The following TECPR2 variants were observed in gnomAD, a reference collection of about 807,000 sequenced individuals.
TECPR2 encodes the protein tectonin beta-propeller repeat-containing protein 2.
TECPR2 carries 65 observed loss-of-function variants against 138.1 expected under a neutral mutation model. The ratio of observed to expected loss-of-function variants is 0.47; its 90% CI spans 0.39 to 0.58. The LOEUF (loss-of-function observed/expected upper bound fraction) is 0.58. Among genes scored for constraint, TECPR2 ranks in the 20% least tolerant of loss-of-function variants. The probability of loss-of-function intolerance (pLI) is 0.00; values close to 1 mark genes in which losing one functional copy is unlikely to be tolerated. For missense variants in TECPR2, 1,553 were observed against 1,824.5 expected (o/e 0.85, Z 2.71); for synonymous variants, 746 against 749.8 (o/e 0.99, Z 0.08).
intron 17 of TECPR2, among the ~76,000 whole-genome samples, chr14:102,469,098 T>G (rs1033920260): frequency 2.6e-5 from 4 of 152,142 alleles, no homozygotes; most frequent in South Asian, 4.1e-4. Flanking sequence ...TACATCCATG[T>G]GAATTTTGGG....
rs1889596135 is a variant in TECPR2 at position 102,434,406 on chromosome 14, T to A, written c.1589T>A (p.Phe530Tyr). The A allele has an allele frequency of 1.3e-6, 2 of 1,528,258 alleles. No individual in the cohort carries two copies. The highest frequency in any genetic ancestry group is 2.6e-5 in the South Asian group (2 of 76,626). 94.7% of individuals were successfully genotyped at this position (1,528,258 alleles called of 1,614,324 possible). A position where few individuals can be genotyped will look rare whatever the true frequency, so the allele number is the denominator to read the frequency against. The change falls in exon 9 of 20, where the codon TTC (phenylalanine) becomes TAC (tyrosine). Residue 530 changes from phenylalanine to tyrosine, a missense_variant. By Grantham distance (22) the Phe-to-Tyr change is conservative (BLOSUM62 3). Transcript: ENST00000359520. ...GAGTCTCCAGACCAGGAAAGCAGCT[T>A]CAATGGTGAAGTGAACGGTGTCCCA... ...SAESPDQESS[F>Y]NGEVNGVPQE... is the part of the protein sequence containing the mutation.
At chr14:102,402,756 G>A (rs1364260774) in intron 2 of TECPR2, among the ~76,000 whole-genome samples, 1 of 152,134 alleles carries the variant, frequency 6.6e-6, no homozygotes, top group Non-Finnish European at 1.5e-5. Context: ...ACAGGATGGT[G>A]ATCTGTTGAA....
chr14:102,413,360 T>C (rs1002596705), intron 4 of TECPR2, among the ~76,000 whole-genome samples: 10 of 149,496 alleles, frequency 6.7e-5, no homozygotes, highest in African/African-American at 2.2e-4. Context: ...TATACATATA[T>C]TTCATATATA....
intron 13 of TECPR2, among the ~76,000 whole-genome samples, chr14:102,448,235 C>T (rs1890040732): frequency 1.3e-5 from 2 of 152,210 alleles, no homozygotes; most frequent in Admixed American, 6.5e-5. Flanking sequence ...GCTGGGATTA[C>T]AGGCGTGAGC....
Position 102,434,973 on chromosome 14 carries a change from G to A in TECPR2, c.2156G>A (p.Gly719Glu). Residue 719 changes from glycine (G) to glutamate (E), a missense_variant, in exon 9 of 20, where the codon GGG (glycine) becomes GAG (glutamate). By Grantham distance (98) the Gly-to-Glu change is moderately conservative. Coordinates refer to ENST00000359520, the MANE Select transcript of TECPR2 (RefSeq NM_014844.5). Reference protein sequence around the residue: ...KEIPISERVLGSVGGQLTPVS... With the variant: ...KEIPISERVLESVGGQLTPVS... ...ATACCCATTTCTGAACGTGTCTTGG[G>A]GAGTGTGGGAGGACAGCTGACTCCG... 3.7e-6 allele frequency: 6 copies of A among 1,614,112 alleles called. No homozygotes were observed. Among genetic ancestry groups the A allele is most frequent in the Non-Finnish European group, 5.1e-6 (6 of 1,180,036 alleles).
chr14:102,463,153 G>T (rs1032584515), intron 16 of TECPR2, among the ~76,000 whole-genome samples: 5 of 152,162 alleles, frequency 3.3e-5, no homozygotes, highest in African/African-American at 4.8e-5. Flanking sequence ...GGGCGCAGTG[G>T]CTCACACCTG....
rs149793306 is a variant in TECPR2, at chr14:102,376,838, G to T, written c.117G>T (p.Thr39=). 5.6e-6 allele frequency: 9 copies of T among 1,614,096 alleles called. No individual in the cohort carries two copies. Among genetic ancestry groups the T allele is most frequent in the Non-Finnish European group, 6.8e-6 (8 of 1,180,020 alleles). The change falls in exon 2 of 20, where the codon ACG becomes ACT. Residue 39 remains threonine, a synonymous_variant. Coordinates refer to ENST00000359520, the MANE Select transcript of TECPR2 (RefSeq NM_014844.5). ...TCCGCTCTATCGTGGTCTATCTCACGGCCCTCGACACCAACGGGGACTACA... is the reference window on the plus strand; with the variant it reads ...TCCGCTCTATCGTGGTCTATCTCACTGCCCTCGACACCAACGGGGACTACA... ...KGFRSIVVYL[T]ALDTNGDYIA...
chr14:102,472,659 A>C (rs1890674612), intron 17 of TECPR2, among the ~76,000 whole-genome samples: 1 of 152,206 alleles, frequency 6.6e-6, no homozygotes, highest in Admixed American at 6.5e-5. Context: ...TCACATGTAC[A>C]CAGGCCTTTC....
intron 2 of TECPR2, among the ~76,000 whole-genome samples, chr14:102,382,651 GT>G (rs1887869534): frequency 6.6e-6 from 1 of 152,190 alleles, no homozygotes; most frequent in Non-Finnish European, 1.5e-5. Flanking sequence ...CATGTCCTGA[GT>G]TAGAAAACAT....
At chr14:102,405,729 T>G (rs922334691) in intron 2 of TECPR2, among the ~76,000 whole-genome samples, 2 of 152,234 alleles carry the variant, frequency 1.3e-5, no homozygotes, top group Non-Finnish European at 2.9e-5. Context: ...TGTACACTCA[T>G]ATTCATAGGA....
chr14:102,367,900 C>T lies in TECPR2; in HGVS notation c.-73+4784C>T, dbSNP rs769465053. 2.6e-5 allele frequency among the ~76,000 whole-genome samples: 4 copies of T among 151,560 alleles called. No homozygotes were observed. The East Asian group carries it at 7.8e-4, about 29-fold the overall frequency. ...ACATCCTTGCTAACACTTGTTCATA[C>T]CCTAGTGGGTATGAAGTGGTATCTC... On this transcript the variant is annotated intron_variant, in intron 1 of 19. Transcript: ENST00000359520.
At position 102,398,430 on chromosome 14, in the gene TECPR2, A is replaced by G. The variant is rs188998513; in HGVS notation, c.220-8908A>G. ...AGGGGGAGAGAGATTATTTGAAGAA[A>G]TAGTATCTGGAAGCTTCCCAGATTT... On this transcript the variant is annotated intron_variant, in intron 2 of 19. Transcript: ENST00000359520. Among the ~76,000 whole-genome samples the G allele has an allele frequency of 1.1e-4, 16 of 152,336 alleles. No individual in the cohort carries two copies. In the East Asian group the frequency reaches 3.1e-3, roughly 29 times the overall value.
At chr14:102,407,633 G>A (rs535688774) in intron 3 of TECPR2, among the ~76,000 whole-genome samples, 167 bp downstream of exon 3, 1 of 152,278 alleles carries the variant, frequency 6.6e-6, no homozygotes, top group Non-Finnish European at 1.5e-5. Context: ...GAAGGCCAAG[G>A]CGGGCTGATC....
At chr14:102,399,844 A>AG (rs1211429516) in intron 2 of TECPR2, among the ~76,000 whole-genome samples, 2 of 151,432 alleles carry the variant, frequency 1.3e-5, no homozygotes, top group Non-Finnish European at 2.9e-5. Context: ...AAAGAAATGA[A>AG]GAAAAAAAAA....
chr14:102,362,962 GC>G lies in TECPR2; in HGVS notation c.-222del. 7.0e-7 allele frequency: 1 copy of G among 1,422,394 alleles called. No homozygotes were observed. The highest frequency in any genetic ancestry group is 9.7e-7 in the Non-Finnish European group (1 of 1,029,412). The allele number at this position is 1,422,394 out of a possible 1,614,324, so 88.1% of individuals were successfully genotyped here. Reference sequence around the variant, plus strand: ...TGCCACTTGTGGCTCTGCCGCTCTAGCCCCCGGCGGAGCCAGCTGCTGCTCT... The same window carrying G: ...TGCCACTTGTGGCTCTGCCGCTCTAGCCCCGGCGGAGCCAGCTGCTGCTCT... On this transcript the variant is annotated 5_prime_UTR_variant, in exon 1 of 20. Coordinates refer to ENST00000359520, the MANE Select transcript of TECPR2 (RefSeq NM_014844.5).
Position 102,424,988 on chromosome 14 carries a change from A to G in TECPR2, c.648A>G (p.Lys216=). The change falls in exon 6 of 20, where the codon AAA becomes AAG. Residue 216 remains lysine, a synonymous_variant. Transcript: ENST00000359520. Reference sequence around the variant, plus strand: ...TTTCTTCTAATTTTAGTACTGGGAAATTTGGTGCTTGTTTTATACCAGGAC... The same window carrying G: ...TTTCTTCTAATTTTAGTACTGGGAAGTTTGGTGCTTGTTTTATACCAGGAC... ...IGTQPRKSTG[K]FGACFIPGLC... 1 of 1,603,702 alleles carries G rather than the reference A, an allele frequency of 6.2e-7. No homozygotes were observed. The highest frequency in any genetic ancestry group is 8.5e-7 in the Non-Finnish European group (1 of 1,173,866).
chr14:102,410,700 C>A (rs1231823314), intron 4 of TECPR2, among the ~76,000 whole-genome samples: 1 of 152,182 alleles, frequency 6.6e-6, no homozygotes, highest in African/African-American at 2.4e-5. Flanking sequence ...CTGTGCCCCC[C>A]CTCAAAAAAA....
chr14:102,401,609 C>T (rs2139686197), intron 2 of TECPR2, among the ~76,000 whole-genome samples: 1 of 151,490 alleles, frequency 6.6e-6, no homozygotes, highest in Admixed American at 6.6e-5. Flanking sequence ...GGAACCCTGT[C>T]TCTACTGAAA....
chr14:102,370,620 C>T (rs1433074333), intron 1 of TECPR2, among the ~76,000 whole-genome samples: 1 of 152,208 alleles, frequency 6.6e-6, no homozygotes, highest in Admixed American at 6.5e-5. Flanking sequence ...CACCAAGGTT[C>T]TTGTAAGCCA....
Sources: gnomAD v4.1 joint callset for allele counts (sites outside exome capture counted in the v4.1 genomes callset) on GRCh38, gnomAD v4.1.1 for gene constraint, MANE v1.5 for transcripts, NCBI Gene and HGNC (gene_info 2026-07-23, HGNC 2026-07-21) for gene names.